Variants in IL36B observed in about 807,000 individuals in gnomAD.
IL36B encodes interleukin-36 beta.
IL36B carries 23 observed loss-of-function variants against 19.3 expected under a neutral mutation model. That is an observed-to-expected ratio of 1.19 (90% CI 0.86 to 1.69). IL36B has a LOEUF of 1.69. IL36B is among the 40% of genes most tolerant of loss of function. The pLI is 0.00. For synonymous variants in IL36B, 59 were observed against 59.7 expected (o/e 0.99, Z 0.05); for missense variants, 217 against 200.5 (o/e 1.08, Z -0.50).
chr2:113,029,182 A>G, intron 3 of IL36B, 104 bp from the exon 4 acceptor site: 1 of 1,208,800 alleles, frequency 8.3e-7, no homozygotes, highest in Non-Finnish European at 1.2e-6. Flanking sequence ...CCCATTAGCC[A>G]TGTGGCAGAG....
intron 4 of IL36B, chr2:113,027,619 G>C (rs1206193942): frequency 2.4e-6 from 3 of 1,242,784 alleles, no homozygotes; most frequent in Admixed American, 7.6e-5. Context: ...CAGCATTTGG[G>C]GGGTTGACTA....
chr2:113,031,129 T>C lies in IL36B; in HGVS notation c.40A>G (p.Ile14Val), dbSNP rs1685067107. 2 of 1,613,996 alleles carry C rather than the reference T, an allele frequency of 1.2e-6. No individual in the cohort carries two copies. The highest frequency in any genetic ancestry group is 1.3e-5 in the African/African-American group (1 of 74,922). ...CACACCATCTGTCGAGAATCACGAA[T>C]AGCATAGGATTTGGGTGCTGCCTCC... is the stretch of plus-strand genomic sequence containing the variant. The change falls in exon 3 of 6, where the codon ATT becomes GTT. Residue 14 changes from isoleucine to valine, a missense_variant. Coordinates refer to ENST00000259213, the MANE Select transcript of IL36B (RefSeq NM_014438.5).
intron 1 of IL36B, 143 bp from the exon 2 acceptor site, chr2:113,031,909 A>T: frequency 1.8e-6 from 1 of 570,812 alleles, no homozygotes; most frequent in Non-Finnish European, 3.1e-6. Flanking sequence ...GAGAATAAGG[A>T]TGGGTACAGG....
At chr2:113,030,799 C>T (rs917631099) in intron 3 of IL36B, among the ~76,000 whole-genome samples, 4 of 152,156 alleles carry the variant, frequency 2.6e-5, no homozygotes, top group Non-Finnish European at 5.9e-5. Context: ...AATGGATAAG[C>T]CCTTCTAATC....
chr2:113,031,585 G>T, intron 2 of IL36B, 112 bp downstream of exon 2: 2 of 945,616 alleles, frequency 2.1e-6, no homozygotes, highest in Non-Finnish European at 1.7e-6. Flanking sequence ...GAGTGTTTTA[G>T]CAAGAGCAAA....
In IL36B at chr2:113,031,293, G is replaced by A. The variant is rs564404589; in HGVS notation, c.14-138C>T. 3.4e-4 allele frequency: 225 copies of A among 666,510 alleles called. No homozygotes were observed. The African/African-American group carries it at 3.7e-3, about 11-fold the overall frequency. The allele number at this position is 666,510 out of a possible 1,614,324, so 41.3% of individuals were successfully genotyped here. A position where few individuals can be genotyped will look rare whatever the true frequency, so the allele number is the denominator to read the frequency against. ...AGAAGTAGTGGCTATAACGATAAATGGAGGGGAAATAGGGCAGGGACTAGT... is the reference window on the plus strand; with the variant it reads ...AGAAGTAGTGGCTATAACGATAAATAGAGGGGAAATAGGGCAGGGACTAGT... On this transcript the variant is annotated intron_variant, in intron 2 of 5. Coordinates refer to ENST00000259213, the MANE Select transcript of IL36B (RefSeq NM_014438.5).
intron 4 of IL36B, chr2:113,027,973 T>A (rs959216178): frequency 6.2e-7 from 1 of 1,614,080 alleles, no homozygotes; most frequent in Admixed American, 1.7e-5. Flanking sequence ...AAAGATGGGC[T>A]GTCCTGATGT....
intron 4 of IL36B, chr2:113,027,491 A>G: frequency 9.8e-7 from 1 of 1,024,370 alleles, no homozygotes; most frequent in South Asian, 4.0e-5. Context: ...CTTCAGCTTT[A>G]TCTTTGGGGC....
intron 1 of IL36B, among the ~76,000 whole-genome samples, chr2:113,050,898 T>C (rs1444613646): frequency 6.6e-6 from 1 of 152,050 alleles, no homozygotes. Context: ...CAGATCCTTG[T>C]GGAAAGAGAC....
intron 1 of IL36B, among the ~76,000 whole-genome samples, chr2:113,036,732 C>A (rs1473422221): frequency 1.3e-5 from 2 of 152,194 alleles, no homozygotes; most frequent in Non-Finnish European, 2.9e-5. Context: ...TGATCCTGCC[C>A]AGAGCGCCTT....
At position 113,049,643 on chromosome 2, in the gene IL36B, A is replaced by G. The variant is rs369758801; in HGVS notation, c.-58+3174T>C. On this transcript the variant is annotated intron_variant, in intron 1 of 5. Transcript: ENST00000259213. ...TGCTATTAGAAAAAAATAGAAAATA[A>G]CAAGTGTTGATGAGAATGTGGAGGA... is the stretch of plus-strand genomic sequence containing the variant. Among the ~76,000 whole-genome samples the G allele has an allele frequency of 6.1e-4, 93 of 152,320 alleles. 1 individual carries two copies. The South Asian group carries it at 0.019, about 31-fold the overall frequency.
At chr2:113,036,727 C>T (rs1159878747) in intron 1 of IL36B, among the ~76,000 whole-genome samples, 1 of 152,200 alleles carries the variant, frequency 6.6e-6, no homozygotes, top group African/African-American at 2.4e-5. Context: ...GCATTTGATC[C>T]TGCCCAGAGC....
chr2:113,042,705 G>A (rs552532025), intron 1 of IL36B, among the ~76,000 whole-genome samples: 1 of 152,200 alleles, frequency 6.6e-6, no homozygotes, highest in South Asian at 2.1e-4. Flanking sequence ...ATAGAAATTT[G>A]GTTTCTTCCA....
At chr2:113,032,491 T>C (rs537348277) in intron 1 of IL36B, among the ~76,000 whole-genome samples, 1 of 152,184 alleles carries the variant, frequency 6.6e-6, no homozygotes, top group Non-Finnish European at 1.5e-5. Context: ...ATTCAATAGT[T>C]GTCCCTACAC....
At chr2:113,048,991 TTAA>T (rs1422183590) in intron 1 of IL36B, among the ~76,000 whole-genome samples, 3 of 152,206 alleles carry the variant, frequency 2.0e-5, no homozygotes, top group Admixed American at 6.5e-5. Context: ...ATTGTTCTTC[TTAA>T]TGATGATGAA....
intron 1 of IL36B, among the ~76,000 whole-genome samples, chr2:113,049,364 G>T (rs1397120845): frequency 6.6e-6 from 1 of 152,094 alleles, no homozygotes; most frequent in Non-Finnish European, 1.5e-5. Flanking sequence ...GGTAACTCAG[G>T]GAATGGGAGG....
intron 4 of IL36B, chr2:113,027,951 C>CTCCTTGG (rs1444254381): frequency 3.7e-6 from 6 of 1,614,152 alleles, no homozygotes; most frequent in Non-Finnish European, 5.1e-6. Context: ...TTATGCCTCT[C>CTCCTTGG]TCCTTGGTGA....
At chr2:113,027,800 G>T in intron 4 of IL36B, 1 of 1,515,602 alleles carries the variant, frequency 6.6e-7, no homozygotes, top group East Asian at 2.4e-5. Context: ...AGCTATGGAT[G>T]GGCTGAACTG....
chr2:113,024,372 G>T (rs1344319797), intron 5 of IL36B, among the ~76,000 whole-genome samples: 1 of 152,150 alleles, frequency 6.6e-6, no homozygotes, highest in African/African-American at 2.4e-5. Context: ...TCTATTTCGT[G>T]TGTGTGTGTT....
Sources: allele counts gnomAD v4.1 joint callset (sites outside exome capture counted in the v4.1 genomes callset), GRCh38; gene constraint gnomAD v4.1.1; transcripts MANE v1.5; gene names NCBI Gene and HGNC (gene_info 2026-07-23, HGNC 2026-07-21).